Variants in CDH13 observed in about 807,000 individuals in gnomAD.
CDH13 encodes the protein cadherin 13, also known as cadherin-13.
Under a neutral mutation model 63.8 loss-of-function variants are expected in CDH13, and 24 were observed. The ratio of observed to expected loss-of-function variants is 0.38; its 90% CI spans 0.27 to 0.53. The LOEUF (loss-of-function observed/expected upper bound fraction) is 0.53. Ranked by LOEUF, CDH13 falls within the 20% of genes least tolerant of loss-of-function variation. The pLI, the probability that CDH13 is intolerant of heterozygous loss-of-function variation, is 0.85. For synonymous variants in CDH13, 503 were observed against 355.3 expected, an observed-to-expected ratio of 1.42 and a Z score of -4.67; for missense variants, 1,049 against 903.1, an observed-to-expected ratio of 1.16 and a Z score of -2.07.
intron 2 of CDH13, among the ~76,000 whole-genome samples, chr16:82,950,824 T>C (rs76550893): frequency 6.6e-6 from 1 of 151,350 alleles, no homozygotes. Context: ...TTTTTTTTTT[T>C]TGGTGGTGGT....
chr16:83,078,343 G>A (rs1597287350), intron 3 of CDH13, among the ~76,000 whole-genome samples: 3 of 152,184 alleles, frequency 2.0e-5, no homozygotes, highest in African/African-American at 7.2e-5. Context: ...TATTGGGGAC[G>A]GGGATGATGG....
rs576847811 is a variant in CDH13, at chr16:83,554,505, T to C, written c.961-47949T>C. On this transcript the variant is annotated intron_variant, in intron 7 of 13. Coordinates refer to ENST00000567109, the MANE Select transcript of CDH13 (RefSeq NM_001257.5). ...TCTGCAAAAGCTGTCAGAATCAAAA[T>C]GAAGCCACTTATGTTAAAATTTTTT... is the stretch of plus-strand genomic sequence containing the variant. 9.1e-4 allele frequency among the ~76,000 whole-genome samples: 138 copies of C among 152,236 alleles called. 2 individuals carry two copies. The highest frequency in any genetic ancestry group is 3.1e-3 in the African/African-American group (127 of 41,542).
chr16:83,458,797 G>C (rs540595404), intron 6 of CDH13, among the ~76,000 whole-genome samples: 51 of 152,226 alleles, frequency 3.4e-4, no homozygotes, highest in African/African-American at 1.2e-3. Context: ...TCTGCTGATC[G>C]TGGGCCACAG....
chr16:82,958,732 C>G (rs2151336116), intron 2 of CDH13, among the ~76,000 whole-genome samples: 1 of 152,334 alleles, frequency 6.6e-6, no homozygotes, highest in Non-Finnish European at 1.5e-5. Context: ...GTCACAGGCT[C>G]CATTGTCTTC....
chr16:83,437,002 G>A (rs545224002), intron 6 of CDH13, among the ~76,000 whole-genome samples: 1 of 152,252 alleles, frequency 6.6e-6, no homozygotes, highest in South Asian at 2.1e-4. Flanking sequence ...TGGTGCTTGA[G>A]AACAAATTAA....
At chr16:83,602,104 C>CAAAAAAAAAAAAAAAAAAAAAAAAAAAAA (rs1567797536) in intron 7 of CDH13, among the ~76,000 whole-genome samples, 1 of 3,722 alleles carries the variant, frequency 2.7e-4, no homozygotes, top group Non-Finnish European at 4.2e-4. Flanking sequence ...AAAAGAACAA[C>CAAAAAAAAAAAAAAAAAAAAAAAAAAAAA]AACAAAAAAA....
At chr16:82,635,341 G>C (rs745587332) in intron 1 of CDH13, among the ~76,000 whole-genome samples, 1 of 152,236 alleles carries the variant, frequency 6.6e-6, no homozygotes, top group Non-Finnish European at 1.5e-5. Flanking sequence ...AGGGCTTACA[G>C]ACAAAGACAC....
chr16:83,417,664 C>G lies in CDH13; in HGVS notation c.782-68813C>G, dbSNP rs111937869. 2.6e-5 allele frequency among the ~76,000 whole-genome samples: 4 copies of G among 152,280 alleles called. 1 individual carries two copies. Among genetic ancestry groups the G allele is most frequent in the African/African-American group, 9.6e-5 (4 of 41,564 alleles). Reference sequence around the variant, plus strand: ...ATATTTTTTAGCAGCTAGAGAAACTCCAAAGCAACAGCCAGTGATTTAGAA... The same window carrying G: ...ATATTTTTTAGCAGCTAGAGAAACTGCAAAGCAACAGCCAGTGATTTAGAA... On this transcript the variant is annotated intron_variant, in intron 6 of 13. Transcript: ENST00000567109.
At chr16:83,330,218 C>G (rs1411844180) in intron 5 of CDH13, among the ~76,000 whole-genome samples, 1 of 152,176 alleles carries the variant, frequency 6.6e-6, no homozygotes, top group Non-Finnish European at 1.5e-5. Flanking sequence ...CACACACACA[C>G]ATGCACACAC....
intron 1 of CDH13, among the ~76,000 whole-genome samples, chr16:82,788,793 C>A (rs889544744): frequency 2.6e-5 from 4 of 152,138 alleles, no homozygotes; most frequent in Non-Finnish European, 5.9e-5. Context: ...ATGTGGAGCC[C>A]AGGTGATGTT....
chr16:83,788,733 A>G (rs16961799), intron 13 of CDH13, among the ~76,000 whole-genome samples: 1 of 152,086 alleles, frequency 6.6e-6, no homozygotes, highest in South Asian at 2.1e-4. Flanking sequence ...TGAAATACCA[A>G]ATGTGCTTTA....
chr16:82,868,178 G>C (rs926373672), intron 2 of CDH13, among the ~76,000 whole-genome samples: 1 of 152,160 alleles, frequency 6.6e-6, no homozygotes, highest in African/African-American at 2.4e-5. Context: ...GATGTGCCAA[G>C]GAAAATTATT....
intron 5 of CDH13, among the ~76,000 whole-genome samples, chr16:83,246,760 T>A (rs1424716006): frequency 6.6e-6 from 1 of 152,180 alleles, no homozygotes; most frequent in Non-Finnish European, 1.5e-5. Flanking sequence ...TCTAATCACT[T>A]CCTTGCTGAA....
chr16:82,915,906 A>G (rs2041973383), intron 2 of CDH13, among the ~76,000 whole-genome samples: 1 of 151,090 alleles, frequency 6.6e-6, no homozygotes, highest in Admixed American at 6.7e-5. Flanking sequence ...GGCTAACTAC[A>G]GGGAAGAGAT....
chr16:83,440,726 A>G (rs763304061), intron 6 of CDH13, among the ~76,000 whole-genome samples: 4 of 148,884 alleles, frequency 2.7e-5, no homozygotes, highest in Non-Finnish European at 4.5e-5. Flanking sequence ...TGGAGGCTAC[A>G]GTGAGTTGAG....
chr16:83,298,357 A>G (rs2089653097), intron 5 of CDH13, among the ~76,000 whole-genome samples: 1 of 152,180 alleles, frequency 6.6e-6, no homozygotes, highest in African/African-American at 2.4e-5. Context: ...AATGAAACCA[A>G]GCCAGCAAGA....
chr16:83,726,982 G>A (rs922420217), intron 10 of CDH13, among the ~76,000 whole-genome samples: 1 of 152,120 alleles, frequency 6.6e-6, no homozygotes, highest in African/African-American at 2.4e-5. Context: ...TCCCTTCCTT[G>A]AAGTTATCTT....
intron 1 of CDH13, among the ~76,000 whole-genome samples, chr16:82,842,287 G>C (rs1325106840): frequency 6.6e-6 from 1 of 151,442 alleles, no homozygotes; most frequent in Non-Finnish European, 1.5e-5. Context: ...GGGTAGCTCA[G>C]TCTTGAGACA....
chr16:82,886,185 CATTT>C (rs1338050996), intron 2 of CDH13, among the ~76,000 whole-genome samples: 2 of 152,226 alleles, frequency 1.3e-5, no homozygotes, highest in Non-Finnish European at 2.9e-5. Flanking sequence ...TATAGCTATT[CATTT>C]AGACTATATC....
Sources: allele counts gnomAD v4.1 joint callset (sites outside exome capture counted in the v4.1 genomes callset), GRCh38; gene constraint gnomAD v4.1.1; transcripts MANE v1.5; gene names NCBI Gene and HGNC (gene_info 2026-07-23, HGNC 2026-07-21).